NUP155: variants seen among roughly 807,000 people sequenced by gnomAD.
NUP155 encodes nuclear pore complex protein Nup155.
Under a neutral mutation model 180.4 loss-of-function variants are expected in NUP155, and 71 were observed. That is an observed-to-expected ratio of 0.39 (90% CI 0.33 to 0.48). The LOEUF (loss-of-function observed/expected upper bound fraction) is 0.48. Ranked by LOEUF, NUP155 falls within the 20% of genes least tolerant of loss-of-function variation. The probability of loss-of-function intolerance (pLI) is 0.91; values close to 1 mark genes in which losing one functional copy is unlikely to be tolerated. For synonymous variants in NUP155, 582 were observed against 559.5 expected, an observed-to-expected ratio of 1.04 and a Z score of -0.57; for missense variants, 1,553 against 1,648.9, an observed-to-expected ratio of 0.94 and a Z score of 1.01.
intron 25 of NUP155, 134 bp downstream of exon 25, chr5:37,307,163 A>T: frequency 1.2e-6 from 1 of 807,690 alleles, no homozygotes; most frequent in Non-Finnish European, 2.0e-6. Flanking sequence ...ACACGACTGC[A>T]CTCCAGCCCA....
chr5:37,302,700 A>G (rs767255680), intron 29 of NUP155, 79 bp downstream of exon 29: 10 of 1,455,196 alleles, frequency 6.9e-6, no homozygotes, highest in Non-Finnish European at 8.7e-6. Context: ...CCTATTACTT[A>G]CCAAGGGAAG....
At chr5:37,340,534 A>T (rs1052236331) in intron 11 of NUP155, among the ~76,000 whole-genome samples, 3 of 152,246 alleles carry the variant, frequency 2.0e-5, no homozygotes, top group African/African-American at 7.2e-5. Flanking sequence ...TGCTACTGAC[A>T]TAAGGATGGA....
chr5:37,354,545 T>A (rs907373142), intron 4 of NUP155, among the ~76,000 whole-genome samples: 4 of 150,804 alleles, frequency 2.7e-5, no homozygotes, highest in Non-Finnish European at 5.9e-5. Context: ...TGCAGCCTTG[T>A]CCTCCTATGC....
intron 21 of NUP155, among the ~76,000 whole-genome samples, chr5:37,315,447 A>C (rs1444057197): frequency 6.6e-6 from 1 of 152,242 alleles, no homozygotes; most frequent in African/African-American, 2.4e-5. Flanking sequence ...ATTGATAAAA[A>C]GCACAATGAA....
At chr5:37,316,888 C>T (rs930555886) in intron 21 of NUP155, among the ~76,000 whole-genome samples, 7 of 151,548 alleles carry the variant, frequency 4.6e-5, no homozygotes, top group Non-Finnish European at 7.4e-5. Context: ...ACGGGCCAGG[C>T]GCAGTGGCTC....
At chr5:37,333,416 T>C in intron 13 of NUP155, 47 bp downstream of exon 13, 1 of 1,519,488 alleles carries the variant, frequency 6.6e-7, no homozygotes, top group Non-Finnish European at 9.1e-7. Flanking sequence ...ACAAAAATAT[T>C]ATACATCGCT....
intron 25 of NUP155, among the ~76,000 whole-genome samples, chr5:37,305,880 A>G (rs1481196487): frequency 6.6e-6 from 1 of 152,018 alleles, no homozygotes; most frequent in African/African-American, 2.4e-5. Flanking sequence ...CTCAAAAACA[A>G]AAAACAAAAC....
rs1742143294 is a variant in NUP155 at position 37,289,340 on chromosome 5, A to T, written c.*2560T>A. 6.6e-6 allele frequency: 1 copy of T among 152,358 alleles called. No homozygotes were observed. Among genetic ancestry groups the T allele is most frequent in the African/African-American group, 2.4e-5 (1 of 41,474 alleles). The allele number at this position is 152,358 out of a possible 1,614,324, so 9.4% of individuals were successfully genotyped here. On this transcript the variant is annotated 3_prime_UTR_variant, in exon 35 of 35. Transcript: ENST00000231498. ...ATTCAAAAAAGTAATGCGTTGAACA[A>T]ACACCAAGTACAAAGTATACTAATA...
Position 37,299,472 on chromosome 5 carries a change from G to T in NUP155, c.3658C>A (p.Leu1220Ile). ...CCTTTCTCTATGATATCTTGCCAAAGTGTCTGCACCAATATAGGGTCTGAA... is the reference window on the plus strand; with the variant it reads ...CCTTTCTCTATGATATCTTGCCAAATTGTCTGCACCAATATAGGGTCTGAA... The part of the protein sequence containing the change: ...GYSDPILVQT[L>I]WQDIIEKELS... Residue 1220 changes from leucine to isoleucine, a missense_variant, in exon 31 of 35, where the codon CTT becomes ATT. Leu to Ile is a conservative substitution (Grantham distance 5). Coordinates refer to ENST00000231498, the MANE Select transcript of NUP155 (RefSeq NM_153485.3). The T allele has an allele frequency of 6.2e-7, 1 of 1,614,052 alleles. No individual in the cohort carries two copies. Among genetic ancestry groups the T allele is most frequent in the Non-Finnish European group, 8.5e-7 (1 of 1,180,016 alleles).
intron 18 of NUP155, among the ~76,000 whole-genome samples, chr5:37,326,784 T>C (rs1271472305): frequency 6.6e-6 from 1 of 152,224 alleles, no homozygotes; most frequent in Non-Finnish European, 1.5e-5. Flanking sequence ...AACTGCCCTG[T>C]TGAACTGTAG....
At position 37,325,410 on chromosome 5, in the gene NUP155, G is replaced by A. The variant is rs572262549; in HGVS notation, c.2091+491C>T. On this transcript the variant is annotated intron_variant, in intron 19 of 34. Coordinates refer to ENST00000231498, the MANE Select transcript of NUP155 (RefSeq NM_153485.3). ...ACTCATATTCAGACAGTTAATCAAT[G>A]TTAGAGATGAGATTTAAACCTGAAG... Among the ~76,000 whole-genome samples the A allele has an allele frequency of 2.6e-5, 4 of 152,188 alleles. No individual in the cohort carries two copies. In the South Asian group the frequency reaches 8.3e-4, roughly 32 times the overall value.
At chr5:37,293,417 G>A (rs902078388) in intron 33 of NUP155, among the ~76,000 whole-genome samples, 4 of 152,170 alleles carry the variant, frequency 2.6e-5, no homozygotes, top group African/African-American at 9.6e-5. Context: ...TGTGACTTAA[G>A]CAGGTTATTT....
At position 37,323,898 on chromosome 5, in the gene NUP155, C is replaced by A. The variant is rs907539885; in HGVS notation, c.2207+94G>T. The A allele has an allele frequency of 1.8e-5, 15 of 850,156 alleles. No homozygotes were observed. The African/African-American group carries it at 2.4e-4, about 13-fold the overall frequency. 52.7% of individuals were successfully genotyped at this position (850,156 alleles called of 1,614,324 possible). On this transcript the variant is annotated intron_variant, in intron 20 of 34. Transcript: ENST00000231498. The stretch of plus-strand genomic sequence containing the variant: ...ACACTAAAAAATACTAAACTGCACA[C>A]TTTAAAAGGACCAACTTTGTAGTAT...
chr5:37,349,490 A>C (rs1042430004), intron 7 of NUP155, among the ~76,000 whole-genome samples: 6 of 152,170 alleles, frequency 3.9e-5, no homozygotes, highest in African/African-American at 1.4e-4. Context: ...CATAGAAAGT[A>C]AGTTATTTTG....
chr5:37,342,262 G>C (rs1438957789), intron 10 of NUP155: 4 of 327,650 alleles, frequency 1.2e-5, no homozygotes, highest in Non-Finnish European at 2.3e-5. Flanking sequence ...GCTCAGGTTA[G>C]TCTTGAACTC....
chr5:37,346,179 T>C (rs1452672395), intron 9 of NUP155, among the ~76,000 whole-genome samples: 1 of 151,288 alleles, frequency 6.6e-6, no homozygotes, highest in Admixed American at 6.6e-5. Context: ...TCAGGAAGCT[T>C]AGGCATGAGG....
chr5:37,363,726 A>G (rs920285193), intron 3 of NUP155, among the ~76,000 whole-genome samples, 162 bp downstream of exon 3: 1 of 152,208 alleles, frequency 6.6e-6, no homozygotes, highest in Non-Finnish European at 1.5e-5. Flanking sequence ...CTAAGACAGA[A>G]TGCACATTTG....
chr5:37,306,170 T>A (rs970147895), intron 25 of NUP155, among the ~76,000 whole-genome samples: 3 of 151,678 alleles, frequency 2.0e-5, no homozygotes, highest in Admixed American at 6.6e-5. Context: ...AAGAAAGGAT[T>A]GCTTGAGCCC....
At chr5:37,297,233 G>A (rs1177083845) in intron 32 of NUP155, among the ~76,000 whole-genome samples, 3 of 152,128 alleles carry the variant, frequency 2.0e-5, no homozygotes, top group Non-Finnish European at 4.4e-5. Flanking sequence ...GCCCAGGCTG[G>A]TCTCAAACTC....
Sources: gnomAD v4.1 joint callset for allele counts (sites outside exome capture counted in the v4.1 genomes callset) on GRCh38, gnomAD v4.1.1 for gene constraint, MANE v1.5 for transcripts, NCBI Gene and HGNC (gene_info 2026-07-23, HGNC 2026-07-21) for gene names.